The following FAM53A variants were observed in gnomAD, a reference collection of about 807,000 sequenced individuals.
FAM53A encodes the protein family with sequence similarity 53 member A.
A neutral mutation model predicts 26.6 loss-of-function variants in FAM53A; 28 were observed. That is an observed-to-expected ratio of 1.05 (90% CI 0.78 to 1.45). FAM53A has a LOEUF of 1.45. Among genes scored for constraint, FAM53A ranks in the 40% most tolerant of loss-of-function variants. The probability of loss-of-function intolerance (pLI) is 0.00; values close to 1 mark genes in which losing one functional copy is unlikely to be tolerated. For missense variants in FAM53A, 650 were observed against 575.8 expected (o/e 1.13, Z -1.32); for synonymous variants, 290 against 253.1 (o/e 1.15, Z -1.38).
intron 1 of FAM53A, among the ~76,000 whole-genome samples, chr4:1,680,920 T>C (rs1715391478): frequency 6.6e-6 from 1 of 152,218 alleles, no homozygotes; most frequent in Non-Finnish European, 1.5e-5. Flanking sequence ...ATTACACATT[T>C]GTCTAAATCC....
chr4:1,633,872 C>T lies in FAM53A; in HGVS notation c.432-15761G>A, dbSNP rs565733589. On this transcript the variant is annotated intron_variant, in intron 1 of 1. Coordinates refer to the FAM53A transcript ENST00000489029. ...TTAAAAAAAAAATCTATATCCATAA[C>T]TGCAGGAAAAGAGAAAAGGGGGCAT... 4.7e-4 allele frequency among the ~76,000 whole-genome samples: 71 copies of T among 152,220 alleles called. 1 individual carries two copies. Among genetic ancestry groups the T allele is most frequent in the African/African-American group, 1.6e-3 (67 of 41,514 alleles).
intron 2 of FAM53A, among the ~76,000 whole-genome samples, chr4:1,663,514 G>A (rs762517630): frequency 2.6e-5 from 4 of 152,078 alleles, no homozygotes; most frequent in Admixed American, 6.5e-5. Flanking sequence ...TCTCAAACAC[G>A]AACCTGATCG....
chr4:1,614,323 G>A (rs1302758896), downstream of FAM53A, among the ~76,000 whole-genome samples: 4 of 151,610 alleles, frequency 2.6e-5, no homozygotes, highest in Admixed American at 6.6e-5. Context: ...ATCACCCACC[G>A]GCGAAGGGGT....
chr4:1,610,239 C>T, the FAM53A span, among the ~76,000 whole-genome samples: 1,294 of 152,074 alleles, frequency 8.5e-3, 4 homozygotes, highest in Non-Finnish European at 0.014. Context: ...CCACTCAACG[C>T]GCTGCCCCCA....
chr4:1,577,738 CTG>C, the FAM53A span, among the ~76,000 whole-genome samples: 1 of 152,128 alleles, frequency 6.6e-6, no homozygotes, highest in Non-Finnish European at 1.5e-5. Flanking sequence ...CTATCTGACT[CTG>C]TACTTTTTAT....
At chr4:1,638,819 T>C (rs1715966757), downstream of FAM53A, among the ~76,000 whole-genome samples, 1 of 152,214 alleles carries the variant, frequency 6.6e-6, no homozygotes, top group African/African-American at 2.4e-5. Context: ...TCCTCCTGCC[T>C]GTCCTTGAAG....
chr4:1,672,435 G>A (rs546293402), intron 1 of FAM53A, among the ~76,000 whole-genome samples: 26 of 152,314 alleles, frequency 1.7e-4, no homozygotes, highest in South Asian at 6.2e-4. Flanking sequence ...TGGGGGTGGC[G>A]GGAAGCGCCT....
At chr4:1,581,815 G>A in the FAM53A span, among the ~76,000 whole-genome samples, 2 of 151,812 alleles carry the variant, frequency 1.3e-5, no homozygotes, top group African/African-American at 4.8e-5. Context: ...GGCTGGTCTC[G>A]AACTCCTGAC....
chr4:1,679,987 C>G (rs148152121), intron 1 of FAM53A, among the ~76,000 whole-genome samples: 1 of 148,856 alleles, frequency 6.7e-6, no homozygotes, highest in South Asian at 2.1e-4. Context: ...CGCACCATTG[C>G]GCTCCAGCCT....
intron 1 of FAM53A, among the ~76,000 whole-genome samples, chr4:1,682,900 G>A (rs11947866): frequency 6.6e-6 from 1 of 152,298 alleles, no homozygotes; most frequent in East Asian, 1.9e-4. Context: ...CGCATCCAAA[G>A]GGGCGGGACA....
the FAM53A span, among the ~76,000 whole-genome samples, chr4:1,588,827 T>C: frequency 1.3e-5 from 2 of 152,250 alleles, no homozygotes; most frequent in African/African-American, 4.8e-5. Flanking sequence ...AAATGGACAA[T>C]GATACAATGA....
chr4:1,650,638 G>A (rs1425406116), intron 4 of FAM53A, among the ~76,000 whole-genome samples: 1 of 152,010 alleles, frequency 6.6e-6, no homozygotes, highest in Middle Eastern at 3.2e-3. Context: ...TAGGACTACA[G>A]GCGCCCACCA....
At chr4:1,621,097 G>T (rs955124137) in intron 1 of FAM53A, among the ~76,000 whole-genome samples, 1 of 95,404 alleles carries the variant, frequency 1.0e-5, no homozygotes, top group African/African-American at 4.3e-5. Context: ...AGTCAGCTAC[G>T]CTACTTTTTT....
At chr4:1,637,043 G>A (rs1372232111), downstream of FAM53A, among the ~76,000 whole-genome samples, 9 of 152,224 alleles carry the variant, frequency 5.9e-5, no homozygotes, top group Non-Finnish European at 1.2e-4. Flanking sequence ...CAGAGCACGG[G>A]CAGGCTCCTC....
At chr4:1,625,876 G>A (rs556929851) in intron 1 of FAM53A, among the ~76,000 whole-genome samples, 3 of 152,228 alleles carry the variant, frequency 2.0e-5, no homozygotes, top group African/African-American at 7.2e-5. Context: ...GCCAGCACAG[G>A]TCATGTCTGG....
rs541819796 is a variant in FAM53A at position 1,626,917 on chromosome 4, T to A, written c.432-8806A>T. 1.3e-3 allele frequency among the ~76,000 whole-genome samples: 203 copies of A among 151,924 alleles called. 1 individual carries two copies. The highest frequency in any genetic ancestry group is 4.8e-3 in the African/African-American group (197 of 41,460). On this transcript the variant is annotated intron_variant, in intron 1 of 1. Transcript: ENST00000489029. ...CCTGTATGTGGGGAGGGGCCAGCCC[T>A]CCCCCAGCCTCCAGATGGAGAGGGT...
chr4:1,650,835 C>G (rs2108868893), intron 4 of FAM53A, among the ~76,000 whole-genome samples: 1 of 151,592 alleles, frequency 6.6e-6, no homozygotes, highest in African/African-American at 2.4e-5. Flanking sequence ...AAGTTTGAAG[C>G]TGCTGGATTC....
At chr4:1,642,671 C>A (rs941877010) in intron 4 of FAM53A, among the ~76,000 whole-genome samples, 1 of 151,932 alleles carries the variant, frequency 6.6e-6, no homozygotes, top group African/African-American at 2.4e-5. Flanking sequence ...GGGCCCCCAC[C>A]CCCCGCCACC....
At chr4:1,576,495 G>A in the FAM53A span, among the ~76,000 whole-genome samples, 18 of 152,326 alleles carry the variant, frequency 1.2e-4, no homozygotes, top group African/African-American at 3.6e-4. Flanking sequence ...ATCTGCCTCC[G>A]CGCGCACACT....
Sources: gnomAD v4.1 joint callset for allele counts (sites outside exome capture counted in the v4.1 genomes callset) on GRCh38, gnomAD v4.1.1 for gene constraint, MANE v1.5 for transcripts, NCBI Gene and HGNC (gene_info 2026-07-23, HGNC 2026-07-21) for gene names.